The following FRMD3 variants were observed in gnomAD, a reference collection of about 807,000 sequenced individuals.
The protein encoded by FRMD3 is FERM domain containing 3.
Under a neutral mutation model 70.2 loss-of-function variants are expected in FRMD3, and 33 were observed. That is an observed-to-expected ratio of 0.47 (90% CI 0.36 to 0.63). The LOEUF (loss-of-function observed/expected upper bound fraction) is 0.63. Ranked by LOEUF, FRMD3 falls within the 20% of genes least tolerant of loss-of-function variation. FRMD3 has a pLI of 0.00. For synonymous variants in FRMD3, 279 were observed against 255.9 expected (o/e 1.09, Z -0.86); for missense variants, 632 against 711.4 (o/e 0.89, Z 1.27).
intron 1 of FRMD3, among the ~76,000 whole-genome samples, chr9:83,449,264 A>G (rs1827569926): frequency 6.6e-6 from 1 of 152,142 alleles, no homozygotes; most frequent in Non-Finnish European, 1.5e-5. Flanking sequence ...AATTTTGAAA[A>G]CCTAACACAG....
At chr9:83,243,128 TCACAGA>T, downstream of FRMD3, 1 of 1,474,834 alleles carries the variant, frequency 6.8e-7, no homozygotes, top group Non-Finnish European at 9.3e-7. Context: ...ACCCACCCAG[TCACAGA>T]CGGAGGCTGG....
At chr9:83,480,427 TA>T (rs1828540040) in intron 1 of FRMD3, among the ~76,000 whole-genome samples, 1 of 151,382 alleles carries the variant, frequency 6.6e-6, no homozygotes, top group Non-Finnish European at 1.5e-5. Context: ...AATATATAAA[TA>T]AAAAATACAG....
intron 5 of FRMD3, among the ~76,000 whole-genome samples, chr9:83,337,244 CCAGAGTCT>C (rs776032148): frequency 1.1e-4 from 16 of 152,282 alleles, no homozygotes; most frequent in Middle Eastern, 3.4e-3. Flanking sequence ...CAGCTTCTGG[CCAGAGTCT>C]ACGTTTCCCC....
At chr9:83,294,758 G>A (rs927799359) in intron 12 of FRMD3, among the ~76,000 whole-genome samples, 1 of 152,194 alleles carries the variant, frequency 6.6e-6, no homozygotes, top group African/African-American at 2.4e-5. Context: ...CAAGGCTTTT[G>A]CTATGCTGCA....
intron 1 of FRMD3, among the ~76,000 whole-genome samples, chr9:83,406,273 T>A (rs1826101337): frequency 6.6e-6 from 1 of 152,104 alleles, no homozygotes; most frequent in South Asian, 2.1e-4. Context: ...GTGAAGGGCC[T>A]CCCAATCTTT....
intron 6 of FRMD3, among the ~76,000 whole-genome samples, chr9:83,315,976 G>T (rs1480093362): frequency 2.0e-5 from 3 of 152,084 alleles, no homozygotes; most frequent in Admixed American, 2.0e-4. Flanking sequence ...GCTATTCTAA[G>T]TCTGTGTCTG....
At chr9:83,555,098 G>T in the FRMD3 span, among the ~76,000 whole-genome samples, 1 of 152,242 alleles carries the variant, frequency 6.6e-6, no homozygotes, top group Non-Finnish European at 1.5e-5. Context: ...GAGGAGGAAT[G>T]AGATTAGGAC....
At chr9:83,271,514 G>A (rs1833549924) in intron 13 of FRMD3, among the ~76,000 whole-genome samples, 1 of 152,182 alleles carries the variant, frequency 6.6e-6, no homozygotes, top group Non-Finnish European at 1.5e-5. Flanking sequence ...GAGAGACTGA[G>A]AGAAAGGACC....
rs144610118 is a variant in FRMD3, at chr9:83,274,744, C to T, written c.1195+15859G>A. ...TATGGGACTGGACTCTCCATGCAGT[C>T]AATGGCCAGGTTCTAGAAACTACTT... On this transcript the variant is annotated intron_variant, in intron 13 of 13. Coordinates refer to ENST00000304195, the MANE Select transcript of FRMD3 (RefSeq NM_174938.6). Among the ~76,000 whole-genome samples, 130 of 152,300 alleles carry T rather than the reference C, an allele frequency of 8.5e-4. 1 individual carries two copies. The East Asian group carries it at 0.022, about 25-fold the overall frequency.
At chr9:83,528,459 T>C (rs924323415) in intron 1 of FRMD3, among the ~76,000 whole-genome samples, 10 of 152,168 alleles carry the variant, frequency 6.6e-5, no homozygotes, top group African/African-American at 2.4e-4. Flanking sequence ...ATAAGTTCTA[T>C]TTTGTTTTAT....
intron 1 of FRMD3, among the ~76,000 whole-genome samples, chr9:83,436,635 C>T (rs570616384): frequency 6.6e-6 from 1 of 152,180 alleles, no homozygotes; most frequent in South Asian, 2.1e-4. Flanking sequence ...AAACCAGTTA[C>T]TTCACTGGAT....
At chr9:83,407,878 T>TTCTCTCTCTCTCTCTCTCTCATCTTTC (rs1826165213) in intron 1 of FRMD3, among the ~76,000 whole-genome samples, 2 of 89,048 alleles carry the variant, frequency 2.2e-5, no homozygotes, top group African/African-American at 5.2e-5. Context: ...TCTCTCATCT[T>TTCTCTCTCTCTCTCTCTCTCATCTTTC]TCTCTCTCTC....
intron 6 of FRMD3, among the ~76,000 whole-genome samples, chr9:83,328,693 T>G (rs535011500): frequency 6.6e-6 from 1 of 152,310 alleles, no homozygotes; most frequent in African/African-American, 2.4e-5. Context: ...AGCTTGGGGA[T>G]GAAATGGCCG....
intron 2 of FRMD3, among the ~76,000 whole-genome samples, chr9:83,376,242 G>T (rs1490471887): frequency 6.7e-6 from 1 of 150,308 alleles, no homozygotes; most frequent in African/African-American, 2.4e-5. Flanking sequence ...ACTTACCCAT[G>T]TGGACAAAGA....
chr9:83,572,251 A>G, the FRMD3 span, among the ~76,000 whole-genome samples: 1 of 152,066 alleles, frequency 6.6e-6, no homozygotes, highest in East Asian at 1.9e-4. Flanking sequence ...TAAAGAGGAA[A>G]AGAATACTGT....
chr9:83,266,929 G>A, intron 13 of FRMD3: 1 of 1,386,306 alleles, frequency 7.2e-7, no homozygotes, highest in South Asian at 1.4e-5. Context: ...TTCACCCTGG[G>A]CCTCTCTCCA....
intron 6 of FRMD3, 78 bp from the exon 7 acceptor site, chr9:83,313,825 A>G (rs1835458265): frequency 9.4e-7 from 1 of 1,060,840 alleles, no homozygotes; most frequent in Admixed American, 1.7e-5. Context: ...TCAATAAAGT[A>G]TGGTGTTCTA....
chr9:83,349,851 A>T, intron 3 of FRMD3, 94 bp from the exon 4 acceptor site: 4 of 881,944 alleles, frequency 4.5e-6, no homozygotes, highest in Non-Finnish European at 5.4e-6. Context: ...CTGACAGACT[A>T]GCCTGGGGAG....
intron 1 of FRMD3, among the ~76,000 whole-genome samples, chr9:83,454,220 C>A (rs115030103): frequency 6.6e-6 from 1 of 152,144 alleles, no homozygotes; most frequent in Non-Finnish European, 1.5e-5. Flanking sequence ...TTCCCACACT[C>A]CTTTCATTCT....
Sources: allele counts gnomAD v4.1 joint callset (sites outside exome capture counted in the v4.1 genomes callset), GRCh38; gene constraint gnomAD v4.1.1; transcripts MANE v1.5; gene names NCBI Gene and HGNC (gene_info 2026-07-23, HGNC 2026-07-21).